Variants in PHF6 observed in about 807,000 individuals in gnomAD.
PHF6 encodes PHD finger protein 6, also known as PHD-like zinc finger protein.
In PHF6, 7 loss-of-function variants were observed where a neutral mutation model predicts 34.0. The observed-to-expected ratio is 0.21, with a 90% CI of 0.12 to 0.39. The LOEUF is 0.39. Ranked by LOEUF, PHF6 falls within the 10% of genes least tolerant of loss-of-function variation. The pLI is 1.00. For missense variants in PHF6, 128 were observed against 262.8 expected, an observed-to-expected ratio of 0.49 and a Z score of 3.55; for synonymous variants, 89 against 88.4, an observed-to-expected ratio of 1.01 and a Z score of -0.04.
intron 9 of PHF6, among the ~76,000 whole-genome samples, chrX:134,422,335 A>G (rs948474709): frequency 8.9e-6 from 1 of 112,275 alleles, no homozygotes; most frequent in Admixed American, 9.5e-5. Flanking sequence ...TTAGACAACC[A>G]TATTTCAGTG....
At chrX:134,382,766 C>T (rs2077313210) in intron 3 of PHF6, among the ~76,000 whole-genome samples, 1 of 109,451 alleles carries the variant, frequency 9.1e-6, no homozygotes, top group African/African-American at 3.3e-5. Context: ...ACAGGGTTTA[C>T]CACGTTGGCC....
At chrX:134,383,253 A>AT (rs397715617) in intron 3 of PHF6, among the ~76,000 whole-genome samples, 3 of 108,011 alleles carry the variant, frequency 2.8e-5, no homozygotes, top group Non-Finnish European at 3.8e-5. Context: ...AAAAAAAAAA[A>AT]TTTTTTTTTG....
chrX:134,404,834 CAAT>C (rs1352700760), intron 5 of PHF6, among the ~76,000 whole-genome samples: 1 of 111,800 alleles, frequency 8.9e-6, no homozygotes, highest in African/African-American at 3.3e-5. Flanking sequence ...CATTTTTTAG[CAAT>C]AAAGTATTTT....
chrX:134,378,693 C>T (rs768505082), intron 3 of PHF6, among the ~76,000 whole-genome samples: 1 of 112,716 alleles, frequency 8.9e-6, no homozygotes, highest in Non-Finnish European at 1.9e-5. Flanking sequence ...TATTACATTG[C>T]TCTGTTGGAA....
chrX:134,422,047 G>T (rs968124600), intron 9 of PHF6, among the ~76,000 whole-genome samples: 1 of 110,226 alleles, frequency 9.1e-6, no homozygotes, highest in Non-Finnish European at 1.9e-5. Context: ...TCTCACCTCA[G>T]CCTCCCAAGT....
At chrX:134,411,046 G>A (rs1005811816) in intron 5 of PHF6, among the ~76,000 whole-genome samples, 1 of 107,804 alleles carries the variant, frequency 9.3e-6, no homozygotes, top group Admixed American at 1.0e-4. Flanking sequence ...TCCGCCTCCT[G>A]GGTTCACACC....
At chrX:134,392,485 G>C (rs1227896724) in intron 3 of PHF6, among the ~76,000 whole-genome samples, 1 of 112,138 alleles carries the variant, frequency 8.9e-6, no homozygotes, top group African/African-American at 3.2e-5. Context: ...GCATGAGCTA[G>C]TTAATCAATA....
intron 5 of PHF6, among the ~76,000 whole-genome samples, chrX:134,401,974 T>TTTTG (rs199723713): frequency 1.1e-3 from 122 of 108,847 alleles, no homozygotes; most frequent in African/African-American, 2.0e-3. Flanking sequence ...ATTGGTTGTT[T>TTTTG]TTTGTTTGTT....
intron 3 of PHF6, among the ~76,000 whole-genome samples, chrX:134,391,261 G>T (rs2077353441): frequency 9.0e-6 from 1 of 111,274 alleles, no homozygotes; most frequent in African/African-American, 3.3e-5. Flanking sequence ...GGCGTGAGCT[G>T]CTGTACCCGG....
At chrX:134,411,887 C>A (rs1437879266) in intron 5 of PHF6, among the ~76,000 whole-genome samples, 1 of 111,092 alleles carries the variant, frequency 9.0e-6, no homozygotes, top group Non-Finnish European at 1.9e-5. Context: ...TGTGCGCCAC[C>A]ACACCCGGCT....
intron 5 of PHF6, among the ~76,000 whole-genome samples, chrX:134,411,929 T>C (rs1388064913): frequency 9.0e-6 from 1 of 111,459 alleles, no homozygotes; most frequent in African/African-American, 3.3e-5. Flanking sequence ...AGACGGGGTT[T>C]CACCATATTG....
At chrX:134,402,503 A>G (rs1419524029) in intron 5 of PHF6, among the ~76,000 whole-genome samples, 1 of 111,906 alleles carries the variant, frequency 8.9e-6, no homozygotes, top group Non-Finnish European at 1.9e-5. Context: ...GATCTGGGAC[A>G]AATTATTTGA....
At chrX:134,391,129 C>A (rs2077352361) in intron 3 of PHF6, among the ~76,000 whole-genome samples, 1 of 109,409 alleles carries the variant, frequency 9.1e-6, no homozygotes, top group Admixed American at 9.8e-5. Flanking sequence ...CATGTGCCAC[C>A]ACACCTGGCT....
In PHF6 at chrX:134,391,233, C is replaced by T. The variant is rs138626916; in HGVS notation, c.241-2268C>T. ...AGGTGATGCGCCCGTCTCAGCCTCC[C>T]AAAGTGCTGGGATTACAGGCGTGAG... On this transcript the variant is annotated intron_variant, in intron 3 of 10. Coordinates refer to ENST00000370803, the MANE Select transcript of PHF6 (RefSeq NM_001015877.2). 2.1e-3 allele frequency among the ~76,000 whole-genome samples: 239 copies of T among 111,324 alleles called. 1 individual carries two copies. The highest frequency in any genetic ancestry group is 7.5e-3 in the African/African-American group (229 of 30,722).
intron 3 of PHF6, among the ~76,000 whole-genome samples, chrX:134,383,918 T>C (rs1451261367): frequency 8.9e-6 from 1 of 112,233 alleles, no homozygotes; most frequent in Non-Finnish European, 1.9e-5. Flanking sequence ...AAGATGGAAA[T>C]AGTACTGAAT....
At chrX:134,408,432 CTG>C (rs762195631) in intron 5 of PHF6, among the ~76,000 whole-genome samples, 4 of 111,715 alleles carry the variant, frequency 3.6e-5, no homozygotes, top group Non-Finnish European at 5.6e-5. Flanking sequence ...GCTTCTGAAA[CTG>C]TTTACCCAGT....
Position 134,425,188 on chromosome X carries a change from T to G in PHF6, c.969-13T>G. ...ACAAAGCATTTTGAGATTTTTGTCTTTCATCATTGTAGACTATACTGTAAA... is the reference window on the plus strand; with the variant it reads ...ACAAAGCATTTTGAGATTTTTGTCTGTCATCATTGTAGACTATACTGTAAA... On this transcript the variant is annotated splice_polypyrimidine_tract_variant and intron_variant, in intron 9 of 10. Transcript: ENST00000370803. The G allele has an allele frequency of 8.3e-7, 1 of 1,210,105 alleles. No individual in the cohort carries two copies. The highest frequency in any genetic ancestry group is 1.1e-6 in the Non-Finnish European group (1 of 894,163).
intron 3 of PHF6, among the ~76,000 whole-genome samples, chrX:134,389,230 C>G (rs2077343673): frequency 9.0e-6 from 1 of 111,483 alleles, no homozygotes; most frequent in South Asian, 3.7e-4. Context: ...ACATGTATGC[C>G]TATGTTGGAG....
intron 9 of PHF6, chrX:134,419,477 A>G (rs1389293188): frequency 8.9e-6 from 1 of 112,250 alleles, no homozygotes; most frequent in African/African-American, 3.2e-5. Flanking sequence ...TGGTGAAAAG[A>G]CATTTGATAA....
Sources: allele counts gnomAD v4.1 joint callset (sites outside exome capture counted in the v4.1 genomes callset), GRCh38; gene constraint gnomAD v4.1.1; transcripts MANE v1.5; gene names NCBI Gene and HGNC (gene_info 2026-07-23, HGNC 2026-07-21).